The following ASCC2 variants were observed in gnomAD, a reference collection of about 807,000 sequenced individuals.
ASCC2 encodes ASC-1 complex subunit P100.
A neutral mutation model predicts 93.5 loss-of-function variants in ASCC2; 42 were observed. The ratio of observed to expected loss-of-function variants is 0.45; its 90% CI spans 0.35 to 0.58. The LOEUF (loss-of-function observed/expected upper bound fraction) is 0.58. Ranked by LOEUF, ASCC2 falls within the 20% of genes least tolerant of loss-of-function variation. The pLI is 0.00. For missense variants in ASCC2, 859 were observed against 977.6 expected (o/e 0.88, Z 1.62); for synonymous variants, 364 against 384.2 (o/e 0.95, Z 0.62).
intron 1 of ASCC2, 109 bp downstream of exon 1, chr22:29,838,069 C>T (rs1408459189): frequency 9.3e-6 from 4 of 428,204 alleles, no homozygotes; most frequent in African/African-American, 6.1e-5. Context: ...TAAGCGTGGG[C>T]CCCGCAATGG....
intron 5 of ASCC2, among the ~76,000 whole-genome samples, chr22:29,817,942 C>A (rs987784919): frequency 2.0e-5 from 3 of 152,112 alleles, no homozygotes; most frequent in Non-Finnish European, 4.4e-5. Context: ...AGGCCCAAGT[C>A]ATTCCTGGTT....
chr22:29,834,464 G>C, intron 1 of ASCC2: 1 of 470,370 alleles, frequency 2.1e-6, no homozygotes, highest in Non-Finnish European at 4.4e-6. Flanking sequence ...AATAAGAGAG[G>C]ACCAGTCTGC....
intron 8 of ASCC2, among the ~76,000 whole-genome samples, chr22:29,812,743 TTTTC>T (rs1667249952): frequency 1.3e-5 from 2 of 152,180 alleles, no homozygotes; most frequent in African/African-American, 4.8e-5. Flanking sequence ...CTATGGGAAC[TTTTC>T]TTTGTCTGGA....
intron 2 of ASCC2, 73 bp downstream of exon 2, chr22:29,832,172 G>A (rs1388484119): frequency 9.7e-6 from 13 of 1,336,976 alleles, no homozygotes; most frequent in Admixed American, 7.5e-5. Flanking sequence ...AGATAAAGAC[G>A]GAATTTACTT....
At chr22:29,824,092 G>A (rs1431780925) in intron 4 of ASCC2, among the ~76,000 whole-genome samples, 1 of 152,020 alleles carries the variant, frequency 6.6e-6, no homozygotes, top group Admixed American at 6.6e-5. Flanking sequence ...TGGAGGCTGA[G>A]GCTGGAGGAT....
chr22:29,804,075 G>A (rs2059400966), intron 13 of ASCC2, among the ~76,000 whole-genome samples: 1 of 152,246 alleles, frequency 6.6e-6, no homozygotes, highest in South Asian at 2.1e-4. Flanking sequence ...GCCTGAGTCT[G>A]TGTGGTCTTC....
At chr22:29,829,263 T>C (rs763545748) in intron 2 of ASCC2, among the ~76,000 whole-genome samples, 1 of 152,242 alleles carries the variant, frequency 6.6e-6, no homozygotes, top group Non-Finnish European at 1.5e-5. Context: ...AATGCCTGAA[T>C]AAAGCTGTAT....
At position 29,825,506 on chromosome 22, in the gene ASCC2, A is replaced by T; in HGVS notation, c.240+116T>A. On this transcript the variant is annotated intron_variant, in intron 3 of 19. Transcript: ENST00000307790. This position sits in a 1 kb window ranked among gnomAD's most constrained non-coding sequence, Gnocchi z 4.9. The stretch of plus-strand genomic sequence containing the variant: ...TCCGAACCACAATTTGCTGTTAAGG[A>T]TCCAGTGAAAGAAGTAGACAAAAAA... The T allele has an allele frequency of 7.0e-7, 1 of 1,428,008 alleles. No homozygotes were observed. The highest frequency in any genetic ancestry group is 1.2e-5 in the South Asian group (1 of 84,150). The allele number at this position is 1,428,008 out of a possible 1,614,324, so 88.5% of individuals were successfully genotyped here.
chr22:29,819,607 A>T (rs893513919), intron 5 of ASCC2, among the ~76,000 whole-genome samples: 3 of 152,170 alleles, frequency 2.0e-5, no homozygotes, highest in Non-Finnish European at 4.4e-5. Context: ...TGTGGTGTGA[A>T]TTAGGCAGTT....
chr22:29,835,747 C>T (rs544113719), intron 1 of ASCC2, among the ~76,000 whole-genome samples: 28 of 152,272 alleles, frequency 1.8e-4, no homozygotes, highest in Admixed American at 1.5e-3. Context: ...TTATTCAAGT[C>T]CCAACCAGAG....
intron 1 of ASCC2, among the ~76,000 whole-genome samples, chr22:29,837,066 A>G (rs2063886964): frequency 6.6e-6 from 1 of 152,236 alleles, no homozygotes; most frequent in Non-Finnish European, 1.5e-5. Context: ...AGCATTTAAA[A>G]GAGAGACCTG....
intron 5 of ASCC2, among the ~76,000 whole-genome samples, chr22:29,817,217 T>C (rs1262666444): frequency 1.3e-5 from 2 of 152,040 alleles, no homozygotes; most frequent in Non-Finnish European, 2.9e-5. Context: ...GCTGATCCCA[T>C]AACCTGTGAA....
At position 29,838,206 on chromosome 22, in the gene ASCC2, C is replaced by A. The variant is rs561476505; in HGVS notation, c.-46G>T. On this transcript the variant is annotated 5_prime_UTR_variant, in exon 1 of 20. Transcript: ENST00000307790. ...GGCGGCTCCACCACCGGCTCTGTGC[C>A]GCCGCCGCCGCCGCCGCCGCCGACC... 3.0e-6 allele frequency: 1 copy of A among 331,848 alleles called. No individual in the cohort carries two copies. The highest frequency in any genetic ancestry group is 3.0e-5 in the Admixed American group (1 of 33,844). 20.6% of individuals were successfully genotyped at this position (331,848 alleles called of 1,614,324 possible).
chr22:29,832,280 G>A lies in ASCC2; in HGVS notation c.46C>T (p.Pro16Ser), dbSNP rs1269124701. ...LDQLQITHKDPKTGKLRTSPA... is the reference protein window; with the variant it reads ...LDQLQITHKDSKTGKLRTSPA... ...GAAGTCCTCAGCTTTCCTGTCTTCG[G>A]GTCCTTGTGGGTGATCTGGAGTTGG... Residue 16 changes from proline (P) to serine (S), a missense_variant, in exon 2 of 20, where the codon CCG becomes TCG. Coordinates refer to ENST00000307790, the MANE Select transcript of ASCC2 (RefSeq NM_032204.5). The A allele has an allele frequency of 6.2e-7, 1 of 1,614,052 alleles. No individual in the cohort carries two copies. The highest frequency in any genetic ancestry group is 8.5e-7 in the Non-Finnish European group (1 of 1,179,988).
Position 29,789,014 on chromosome 22 carries a change from C to G in ASCC2, c.2273G>C (p.Ter758SerextTer27). The G allele has an allele frequency of 6.2e-7, 1 of 1,614,186 alleles. No homozygotes were observed. The stretch of plus-strand genomic sequence containing the variant: ...TCCCCACTGGCCCTGCACCAGGTCT[C>G]AGGATGGGATCATGCCTTTGCTCCT... ...RKRSKGMIPS[*>S] is the part of the protein sequence containing the mutation. Residue 758 changes from the stop codon to serine, a stop_lost, in exon 20 of 20, where the codon TGA becomes TCA. Coordinates refer to ENST00000307790, the MANE Select transcript of ASCC2 (RefSeq NM_032204.5).
rs1417055395 is a variant in ASCC2 at position 29,825,455 on chromosome 22, T to A, written c.240+167A>T. 1 of 1,167,432 alleles carries A rather than the reference T, an allele frequency of 8.6e-7. No individual in the cohort carries two copies. The highest frequency in any genetic ancestry group is 1.2e-6 in the Non-Finnish European group (1 of 823,024). The allele number at this position is 1,167,432 out of a possible 1,614,324, so 72.3% of individuals were successfully genotyped here. A position where few individuals can be genotyped will look rare whatever the true frequency, so the allele number is the denominator to read the frequency against. ...GACACTTTGAAAGGTGTGTAAACAT[T>A]AAGATTGTGATACAAGACAGAGCAA... On this transcript the variant is annotated intron_variant, in intron 3 of 19. Transcript: ENST00000307790. The surrounding 1 kb of genome is among the most constrained non-coding windows in gnomAD (Gnocchi z 4.9).
At chr22:29,815,767 T>C (rs756718860) in intron 6 of ASCC2, among the ~76,000 whole-genome samples, 4 of 152,232 alleles carry the variant, frequency 2.6e-5, no homozygotes, top group Non-Finnish European at 5.9e-5. Context: ...CAAGCCAAAC[T>C]CTGTCTGTAT....
Position 29,825,692 on chromosome 22 carries a change from T to G in ASCC2, c.170A>C (p.Glu57Ala). Residue 57 changes from glutamate (E) to alanine (A), a missense_variant, in exon 3 of 20, where the codon GAA becomes GCA. Glu to Ala is a moderately radical substitution (Grantham distance 107, BLOSUM62 -1). Transcript: ENST00000307790. The surrounding 1 kb of genome is among the most constrained non-coding windows in gnomAD (Gnocchi z 4.9). ...NIPALVEEYL[E>A]RATFVANDLD... is the part of the protein sequence containing the mutation. ...GTCATTGGCTACGAAGGTGGCGCGTTCCAGGTACTCCTCCACTAGGGCGGG... is the reference window on the plus strand; with the variant it reads ...GTCATTGGCTACGAAGGTGGCGCGTGCCAGGTACTCCTCCACTAGGGCGGG... 6.2e-7 allele frequency: 1 copy of G among 1,614,204 alleles called. No individual in the cohort carries two copies. The highest frequency in any genetic ancestry group is 8.5e-7 in the Non-Finnish European group (1 of 1,180,032).
At position 29,838,258 on chromosome 22, in the gene ASCC2, A is replaced by C; in HGVS notation, c.-98T>G. On this transcript the variant is annotated 5_prime_UTR_variant, in exon 1 of 20. Coordinates refer to ENST00000307790, the MANE Select transcript of ASCC2 (RefSeq NM_032204.5). The stretch of plus-strand genomic sequence containing the variant: ...CGGTGACAGCTCCCTGAGCGCCCGC[A>C]CTTCCGGGGTCAAACTGCGATTCCG... 2.2e-6 allele frequency: 1 copy of C among 460,832 alleles called. No individual in the cohort carries two copies. The highest frequency in any genetic ancestry group is 4.4e-6 in the Non-Finnish European group (1 of 228,032). The allele number at this position is 460,832 out of a possible 1,614,324, so 28.5% of individuals were successfully genotyped here.
Sources: allele counts gnomAD v4.1 joint callset (sites outside exome capture counted in the v4.1 genomes callset), GRCh38; gene constraint gnomAD v4.1.1; non-coding constraint Gnocchi (gnomAD v3.1); transcripts MANE v1.5; gene names NCBI Gene and HGNC (gene_info 2026-07-23, HGNC 2026-07-21).